The following CLOCK variants were observed in gnomAD, a reference collection of about 807,000 sequenced individuals.
CLOCK encodes clock circadian regulator.
CLOCK carries 43 observed loss-of-function variants against 118.4 expected under a neutral mutation model. The observed-to-expected ratio is 0.36, with a 90% CI of 0.28 to 0.47. The LOEUF (loss-of-function observed/expected upper bound fraction) is 0.47. Among genes scored for constraint, CLOCK ranks in the 20% least tolerant of loss-of-function variants. The pLI is 1.00. For synonymous variants in CLOCK, 326 were observed against 339.2 expected (o/e 0.96, Z 0.43); for missense variants, 846 against 999.9 (o/e 0.85, Z 2.08).
intron 18 of CLOCK, among the ~76,000 whole-genome samples, 184 bp downstream of exon 18, chr4:55,448,595 C>T (rs1243856945): frequency 3.0e-5 from 1 of 33,250 alleles, no homozygotes; most frequent in Non-Finnish European, 6.3e-5. Flanking sequence ...CGCGCGCGCA[C>T]GCGCGCGTGT....
intron 6 of CLOCK, 102 bp from the exon 7 acceptor site, chr4:55,476,156 A>G (rs1726496199): frequency 2.5e-6 from 2 of 787,988 alleles, no homozygotes; most frequent in South Asian, 2.8e-5. Flanking sequence ...AAAGATGACA[A>G]CCGTAGGCAT....
chr4:55,536,209 CT>C (rs746119938), intron 1 of CLOCK, among the ~76,000 whole-genome samples: 10 of 152,084 alleles, frequency 6.6e-5, no homozygotes, highest in Non-Finnish European at 1.5e-4. Flanking sequence ...GACCAATAGG[CT>C]TTGAAATGAA....
intron 1 of CLOCK, among the ~76,000 whole-genome samples, chr4:55,528,390 G>A (rs1730335492): frequency 6.6e-6 from 1 of 151,958 alleles, no homozygotes; most frequent in Admixed American, 6.6e-5. Flanking sequence ...AAGTATTTAA[G>A]GGTGAAGTGA....
intron 1 of CLOCK, among the ~76,000 whole-genome samples, chr4:55,534,781 G>C (rs1730779609): frequency 6.9e-6 from 1 of 143,922 alleles, no homozygotes; most frequent in Admixed American, 6.9e-5. Flanking sequence ...GCACTACTGA[G>C]AAAAATGAAA....
chr4:55,495,321 C>A lies in CLOCK; in HGVS notation c.-135-5856G>T, dbSNP rs73153636. ...CAGTATTGTTGTTGCACACTCTTCA[C>A]CTTACTTGCTCCCAGCTGTAACCTC... On this transcript the variant is annotated intron_variant, in intron 2 of 22. Transcript: ENST00000513440. Among the ~76,000 whole-genome samples, 556 of 152,274 alleles carry A rather than the reference C, an allele frequency of 3.7e-3. 4 individuals carry two copies. The highest frequency in any genetic ancestry group is 0.013 in the African/African-American group (530 of 41,536).
intron 15 of CLOCK, 21 bp downstream of exon 15, chr4:55,453,033 T>G: frequency 6.5e-7 from 1 of 1,535,682 alleles, no homozygotes; most frequent in East Asian, 2.4e-5. Flanking sequence ...AAATAATTTT[T>G]TTTAATTATA....
chr4:55,442,492 A>G lies in CLOCK; in HGVS notation c.2045T>C (p.Met682Thr). ...AGCACTCTGGGTGCTGTTTTGTGGC[A>G]TACTAGATGGAATCTGGACCATGCT... ...AGSMVQIPSSMPQNSTQSAAV... is the reference protein window; with the variant it reads ...AGSMVQIPSSTPQNSTQSAAV... The change falls in exon 21 of 23, where the codon ATG becomes ACG. Residue 682 changes from methionine (M) to threonine (T), a missense_variant. Physicochemically the swap from Met to Thr is moderately conservative, Grantham distance 81. Around this residue, in one of 4 missense-constraint regions of CLOCK, gnomAD observed 520 missense variants for 558.0 expected, o/e 0.93. Coordinates refer to ENST00000513440, the MANE Select transcript of CLOCK (RefSeq NM_004898.4). 1 of 1,607,892 alleles carries G rather than the reference A, an allele frequency of 6.2e-7. No homozygotes were observed. Among genetic ancestry groups the G allele is most frequent in the South Asian group, 1.1e-5 (1 of 90,526 alleles).
intron 15 of CLOCK, chr4:55,452,606 A>G (rs1183732052): frequency 3.4e-5 from 6 of 174,610 alleles, no homozygotes; most frequent in Non-Finnish European, 6.1e-5. Context: ...AATATACTAT[A>G]CTTCTGACCT....
At chr4:55,460,484 C>T (rs62303712) in intron 9 of CLOCK, among the ~76,000 whole-genome samples, 34,303 of 152,130 alleles carry the variant, frequency 0.23, 4,498 homozygotes, top group South Asian at 0.37. Flanking sequence ...AGTTAGAAAC[C>T]GTTAACAATT....
chr4:55,476,295 ACT>A (rs761729602), intron 6 of CLOCK, among the ~76,000 whole-genome samples: 4 of 152,138 alleles, frequency 2.6e-5, no homozygotes, highest in South Asian at 2.1e-4. Context: ...TTCTCTTGGT[ACT>A]CTGATAGTTA....
At chr4:55,504,002 A>AAAAAAAAAAAAAAC in intron 2 of CLOCK, among the ~76,000 whole-genome samples, 3 of 148,508 alleles carry the variant, frequency 2.0e-5, no homozygotes, top group Non-Finnish European at 4.5e-5. Flanking sequence ...AAAAAAAAAA[A>AAAAAAAAAAAAAAC]AGCCGGGCAC....
At chr4:55,437,180 C>T (rs952929019) in intron 22 of CLOCK, among the ~76,000 whole-genome samples, 1 of 152,184 alleles carries the variant, frequency 6.6e-6, no homozygotes, top group Non-Finnish European at 1.5e-5. Context: ...TAGTTTTCTA[C>T]ATCACAAAGA....
chr4:55,479,509 T>C (rs2109895771), intron 5 of CLOCK, 131 bp downstream of exon 5: 1 of 721,540 alleles, frequency 1.4e-6, no homozygotes, highest in East Asian at 2.8e-5. Flanking sequence ...TATTCTAAGT[T>C]CTTCCACCTT....
chr4:55,542,376 ATAATATTATTATTAT>A (rs1424231487), intron 1 of CLOCK, among the ~76,000 whole-genome samples: 16 of 51,626 alleles, frequency 3.1e-4, no homozygotes, highest in African/African-American at 1.3e-3. Flanking sequence ...AATAATAATA[ATAATATTATTATTAT>A]TATTATTATT....
chr4:55,490,834 C>T (rs909082197), intron 2 of CLOCK, among the ~76,000 whole-genome samples: 2 of 152,072 alleles, frequency 1.3e-5, no homozygotes, highest in Non-Finnish European at 2.9e-5. Context: ...ACTGTATAGA[C>T]CAAATGGACC....
chr4:55,469,097 A>G (rs987600850), intron 8 of CLOCK, among the ~76,000 whole-genome samples: 4 of 152,094 alleles, frequency 2.6e-5, no homozygotes, highest in Admixed American at 1.3e-4. Flanking sequence ...TATTTACTAT[A>G]CTTTTAATGA....
intron 1 of CLOCK, among the ~76,000 whole-genome samples, chr4:55,536,851 T>G (rs1730939244): frequency 6.6e-6 from 1 of 152,118 alleles, no homozygotes; most frequent in Non-Finnish European, 1.5e-5. Flanking sequence ...TGCCTGGCAT[T>G]CAATAAAAAA....
chr4:55,526,873 G>T (rs6839788), intron 1 of CLOCK, among the ~76,000 whole-genome samples: 60,535 of 147,844 alleles, frequency 0.41, 13,671 homozygotes, highest in African/African-American at 0.61. Flanking sequence ...CATGAACCCG[G>T]GAGGCGGAGC....
At chr4:55,442,713 A>G (rs918799122) in intron 20 of CLOCK, 79 bp from the exon 21 acceptor site, 45 of 1,228,406 alleles carry the variant, frequency 3.7e-5, no homozygotes, top group Non-Finnish European at 4.9e-5. Context: ...TCATCATTCT[A>G]ACAATATGAC....
Sources: gnomAD v4.1 joint callset for allele counts (sites outside exome capture counted in the v4.1 genomes callset) on GRCh38, gnomAD v4.1.1 for gene constraint, gnomAD v4.1.1 regional missense constraint, MANE v1.5 for transcripts, NCBI Gene and HGNC (gene_info 2026-07-23, HGNC 2026-07-21) for gene names.